Variants in PTPRN2 observed in about 807,000 individuals in gnomAD.
PTPRN2 encodes protein tyrosine phosphatase receptor type N2, also known as receptor-type tyrosine-protein phosphatase N2.
PTPRN2 carries 74 observed loss-of-function variants against 118.8 expected under a neutral mutation model. That is an observed-to-expected ratio of 0.62 (90% CI 0.52 to 0.76). PTPRN2 has a LOEUF of 0.76. Among genes scored for constraint, PTPRN2 ranks in the 30% least tolerant of loss-of-function variants. The pLI is 0.00. For missense variants in PTPRN2, 1,481 were observed against 1,394.4 expected, an observed-to-expected ratio of 1.06 and a Z score of -0.99; for synonymous variants, 641 against 608.0, an observed-to-expected ratio of 1.05 and a Z score of -0.80.
chr7:157,658,139 C>G (rs993228708), intron 13 of PTPRN2, among the ~76,000 whole-genome samples: 5 of 151,430 alleles, frequency 3.3e-5, no homozygotes, highest in Admixed American at 1.3e-4. Flanking sequence ...GCCACAGTAG[C>G]CTTCGTTGGG....
intron 11 of PTPRN2, among the ~76,000 whole-genome samples, chr7:158,078,736 A>G (rs1032525909): frequency 6.6e-6 from 1 of 152,266 alleles, no homozygotes; most frequent in Non-Finnish European, 1.5e-5. Flanking sequence ...AACCGTGCTA[A>G]GCGCTCTCCT....
intron 5 of PTPRN2, among the ~76,000 whole-genome samples, chr7:158,183,856 G>A (rs1448464905): frequency 1.3e-5 from 2 of 151,882 alleles, no homozygotes; most frequent in African/African-American, 2.4e-5. Context: ...TTCTGGTGTC[G>A]CTTCTTGGAA....
chr7:158,435,710 G>C (rs1479537555), intron 2 of PTPRN2, among the ~76,000 whole-genome samples: 1 of 152,060 alleles, frequency 6.6e-6, no homozygotes, highest in African/African-American at 2.4e-5. Context: ...TTTTACATGT[G>C]GTATATCTAG....
intron 6 of PTPRN2, among the ~76,000 whole-genome samples, chr7:158,163,946 G>A (rs962716855): frequency 2.0e-5 from 3 of 151,974 alleles, no homozygotes; most frequent in Admixed American, 6.6e-5. Context: ...TTCTCTCTGC[G>A]TATTTCCTAT....
intron 11 of PTPRN2, among the ~76,000 whole-genome samples, chr7:157,995,924 C>T (rs1355466164): frequency 2.6e-5 from 4 of 152,204 alleles, no homozygotes; most frequent in Non-Finnish European, 5.9e-5. Context: ...TGTGTCCACA[C>T]AATGGAATAC....
At chr7:158,482,473 C>T (rs760389061) in intron 2 of PTPRN2, among the ~76,000 whole-genome samples, 1 of 152,204 alleles carries the variant, frequency 6.6e-6, no homozygotes, top group Admixed American at 6.5e-5. Context: ...ACCCTCCACC[C>T]GCAGGAAGAT....
intron 2 of PTPRN2, among the ~76,000 whole-genome samples, chr7:158,410,157 C>T (rs1047030840): frequency 1.3e-5 from 2 of 152,158 alleles, no homozygotes; most frequent in African/African-American, 2.4e-5. Context: ...AAAAACAGCC[C>T]ATGTCTGAGC....
intron 2 of PTPRN2, among the ~76,000 whole-genome samples, chr7:158,433,345 T>C (rs574992339): frequency 5.2e-4 from 79 of 152,240 alleles, no homozygotes; most frequent in Admixed American, 2.5e-3. Flanking sequence ...GACAGATATA[T>C]TCAGCTTCCA....
At chr7:157,824,489 G>A (rs142615747) in intron 12 of PTPRN2, among the ~76,000 whole-genome samples, 208 of 152,360 alleles carry the variant, frequency 1.4e-3, no homozygotes, top group Middle Eastern at 6.8e-3. Context: ...CCTGCATGGC[G>A]TGAGGTGTGT....
intron 1 of PTPRN2, among the ~76,000 whole-genome samples, chr7:158,520,628 G>A (rs1823909305): frequency 6.6e-6 from 1 of 152,172 alleles, no homozygotes; most frequent in South Asian, 2.1e-4. Context: ...GCCTTCCACT[G>A]TTTTGTGGGT....
intron 3 of PTPRN2, among the ~76,000 whole-genome samples, chr7:158,281,700 C>T (rs912276082): frequency 2.6e-5 from 4 of 152,358 alleles, no homozygotes; most frequent in Non-Finnish European, 2.9e-5. Flanking sequence ...GCTGGCTTTG[C>T]ACCCACCTCC....
In PTPRN2 at chr7:158,561,154, G is replaced by A. The variant is rs558339443; in HGVS notation, c.112+26404C>T. Among the ~76,000 whole-genome samples, 145 of 152,336 alleles carry A rather than the reference G, an allele frequency of 9.5e-4. 1 individual carries two copies. Among genetic ancestry groups the A allele is most frequent in the African/African-American group, 3.2e-3 (133 of 41,576 alleles). On this transcript the variant is annotated intron_variant, in intron 1 of 22. Transcript: ENST00000389418. ...AATATCAAAGATTAAGAAAGATTAC[G>A]TAGATCGGGACATTAGATTACTTAA...
At chr7:157,942,156 ACCCTCCACACACAGGGGTCCTCG>A (rs1563259947) in intron 11 of PTPRN2, among the ~76,000 whole-genome samples, 6 of 142,252 alleles carry the variant, frequency 4.2e-5, no homozygotes, top group African/African-American at 1.0e-4. Flanking sequence ...TCCTCGGCCC[ACCCTCCACACACAGGGGTCCTCG>A]GCCCACCCTC....
At chr7:157,888,573 C>G (rs1796620450) in intron 12 of PTPRN2, among the ~76,000 whole-genome samples, 17 of 150,768 alleles carry the variant, frequency 1.1e-4, no homozygotes, top group South Asian at 1.1e-3. Flanking sequence ...CATCCAATGC[C>G]CCTTCTCTTG....
intron 2 of PTPRN2, among the ~76,000 whole-genome samples, chr7:158,456,498 A>C (rs1181728345): frequency 6.9e-6 from 1 of 145,572 alleles, no homozygotes; most frequent in Admixed American, 6.8e-5. Context: ...TGCAGAGAAC[A>C]TAACGGCACG....
At chr7:158,058,911 C>A (rs28728330) in intron 11 of PTPRN2, among the ~76,000 whole-genome samples, 10 of 95,718 alleles carry the variant, frequency 1.0e-4, no homozygotes, top group African/African-American at 3.6e-4. Flanking sequence ...CTCCATCTGC[C>A]CACAGTGAGA....
At chr7:158,456,115 C>T (rs1319896958) in intron 2 of PTPRN2, among the ~76,000 whole-genome samples, 2 of 147,276 alleles carry the variant, frequency 1.4e-5, no homozygotes. Flanking sequence ...GAGAAGACAA[C>T]AGCCACCCAT....
chr7:157,880,956 A>G (rs994413954), intron 12 of PTPRN2, among the ~76,000 whole-genome samples: 3 of 152,260 alleles, frequency 2.0e-5, no homozygotes, highest in Non-Finnish European at 2.9e-5. Flanking sequence ...ACAGGGTCAG[A>G]GTTTAGAGCT....
intron 1 of PTPRN2, among the ~76,000 whole-genome samples, chr7:158,560,195 C>G (rs994423123): frequency 2.0e-5 from 3 of 152,230 alleles, no homozygotes; most frequent in African/African-American, 4.8e-5. Flanking sequence ...ATGGATGGAC[C>G]ACATCTTGCT....
Sources: gnomAD v4.1 joint callset for allele counts (sites outside exome capture counted in the v4.1 genomes callset) on GRCh38, gnomAD v4.1.1 for gene constraint, MANE v1.5 for transcripts, NCBI Gene and HGNC (gene_info 2026-07-23, HGNC 2026-07-21) for gene names.